ITGAE: variants seen among roughly 807,000 people sequenced by gnomAD.
The protein encoded by ITGAE is integrin subunit alpha E.
ITGAE carries 99 observed loss-of-function variants against 136.5 expected under a neutral mutation model. The ratio of observed to expected loss-of-function variants is 0.73; its 90% CI spans 0.62 to 0.86. The LOEUF is 0.86. Ranked by LOEUF, ITGAE falls within the 40% of genes least tolerant of loss-of-function variation. ITGAE has a pLI of 0.00. For missense variants in ITGAE, 1,447 were observed against 1,515.3 expected (o/e 0.95, Z 0.75); for synonymous variants, 613 against 591.8 (o/e 1.04, Z -0.52).
At chr17:3,748,536 G>A (rs1464010971) in intron 16 of ITGAE, among the ~76,000 whole-genome samples, 3 of 152,116 alleles carry the variant, frequency 2.0e-5, no homozygotes, top group South Asian at 2.1e-4. Context: ...GCAGTGAGCC[G>A]ACATCCTGCC....
intron 19 of ITGAE, among the ~76,000 whole-genome samples, chr17:3,741,766 G>A (rs777612591): frequency 8.5e-5 from 13 of 152,164 alleles, no homozygotes; most frequent in Non-Finnish European, 8.8e-5. Context: ...CTTTACTTCT[G>A]TGATATTCCT....
At chr17:3,752,449 C>A (rs1327941319) in intron 14 of ITGAE, among the ~76,000 whole-genome samples, 1 of 152,206 alleles carries the variant, frequency 6.6e-6, no homozygotes, top group Non-Finnish European at 1.5e-5. Flanking sequence ...GCTTTGCCAA[C>A]CATGCAGCTG....
Position 3,781,080 on chromosome 17 carries a change from T to C in ITGAE, c.35-3420A>G, listed in dbSNP as rs189314269. On this transcript the variant is annotated intron_variant, in intron 1 of 30. Transcript: ENST00000263087. ...GTTTACTGCCTACTCATGTACATTA[T>C]TCATTTTCATGAAACGATATTACTT... Among the ~76,000 whole-genome samples, 83 of 152,352 alleles carry C rather than the reference T, an allele frequency of 5.4e-4. 1 individual carries two copies. The South Asian group carries it at 0.014, about 27-fold the overall frequency.
rs1335085563 is a variant in ITGAE at position 3,761,391 on chromosome 17, T to C, written c.433+12A>G. On this transcript the variant is annotated intron_variant, in intron 5 of 30. Coordinates refer to ENST00000263087, the MANE Select transcript of ITGAE (RefSeq NM_002208.5). The stretch of plus-strand genomic sequence containing the variant: ...TAGAGCTATCCAAGGCCAGTGAATG[T>C]CCAATCCTTACCAAGGTCGAAGAAG... 1.2e-6 allele frequency: 2 copies of C among 1,606,504 alleles called. No homozygotes were observed. Among genetic ancestry groups the C allele is most frequent in the African/African-American group, 2.7e-5 (2 of 74,766 alleles).
chr17:3,754,915 CA>C (rs2051967332), intron 12 of ITGAE, among the ~76,000 whole-genome samples: 1 of 147,568 alleles, frequency 6.8e-6, no homozygotes, highest in Non-Finnish European at 1.5e-5. Flanking sequence ...GCCCCGCCCT[CA>C]CCCAGGTAGC....
At chr17:3,763,194 CAGACA>C (rs1389742797) in intron 3 of ITGAE, among the ~76,000 whole-genome samples, 1 of 152,156 alleles carries the variant, frequency 6.6e-6, no homozygotes, top group East Asian at 1.9e-4. Context: ...CGCCCAGCCT[CAGACA>C]AGACAAGGAT....
chr17:3,756,532 G>C (rs865848809), intron 10 of ITGAE, among the ~76,000 whole-genome samples: 1 of 150,752 alleles, frequency 6.6e-6, no homozygotes, highest in Non-Finnish European at 1.5e-5. Flanking sequence ...CTCCTGAGTA[G>C]CTGGGATCAC....
rs1418772725 is a variant in ITGAE at position 3,801,150 on chromosome 17, C to T, written c.-6G>A. On this transcript the variant is annotated 5_prime_UTR_variant, in exon 1 of 31. Transcript: ENST00000263087. The stretch of plus-strand genomic sequence containing the variant: ...AGAGTGTGGAAGAGCCACATCCTTG[C>T]TGGAGCAGAGGCGGCTGTGTGGGAG... 9 of 1,611,044 alleles carry T rather than the reference C, an allele frequency of 5.6e-6. No homozygotes were observed. The African/African-American group carries it at 1.2e-4, about 21-fold the overall frequency.
Position 3,750,454 on chromosome 17 carries a change from C to G in ITGAE, c.1922G>C (p.Gly641Ala). Residue 641 changes from glycine to alanine, a missense_variant, in exon 16 of 31, where the codon GGA becomes GCA. By Grantham distance (60) the Gly-to-Ala change is moderately conservative. This residue lies in a region of ITGAE where 1,031 missense variants were observed against 1,011.4 expected (regional missense o/e 1.02). Transcript: ENST00000263087. ...CATGGACATGCCGAAGTACTGGAGT[C>G]CTGGGGCCACCGTGGAGGCTCTGAT... ...QRIRASTVAP[G>A]LQYFGMSMAG... The G allele has an allele frequency of 1.2e-6, 2 of 1,614,176 alleles. No homozygotes were observed. Among genetic ancestry groups the G allele is most frequent in the South Asian group, 1.1e-5 (1 of 91,086 alleles).
intron 30 of ITGAE, 119 bp from the exon 31 acceptor site, chr17:3,715,061 A>G: frequency 1.6e-6 from 1 of 626,364 alleles, no homozygotes; most frequent in Non-Finnish European, 2.8e-6. Context: ...CATACTTACT[A>G]CTCCCTTCTC....
chr17:3,758,298 T>C (rs2052078563), intron 8 of ITGAE, among the ~76,000 whole-genome samples: 1 of 152,128 alleles, frequency 6.6e-6, no homozygotes, highest in South Asian at 2.1e-4. Flanking sequence ...CAGGCTGGAG[T>C]GCAGTGGTGT....
At chr17:3,774,285 G>C (rs1020246373) in intron 2 of ITGAE, among the ~76,000 whole-genome samples, 2 of 152,166 alleles carry the variant, frequency 1.3e-5, no homozygotes, top group Non-Finnish European at 2.9e-5. Flanking sequence ...GGTGGGATGA[G>C]GAGGTAACCA....
chr17:3,728,378 T>TTC, intron 24 of ITGAE: 1 of 412,520 alleles, frequency 2.4e-6, no homozygotes, highest in East Asian at 4.8e-5. Flanking sequence ...CTTTTTTTTT[T>TTC]TTTTTTTTTT....
intron 20 of ITGAE, among the ~76,000 whole-genome samples, chr17:3,737,164 G>A (rs1172412812): frequency 6.6e-6 from 1 of 152,104 alleles, no homozygotes; most frequent in Non-Finnish European, 1.5e-5. Context: ...GTGGTCACGT[G>A]CGCCTGTGAT....
In ITGAE at chr17:3,723,718, C is replaced by T. The variant is rs770170884; in HGVS notation, c.3111G>A (p.Gln1037=). 1 of 1,605,680 alleles carries T rather than the reference C, an allele frequency of 6.2e-7. No homozygotes were observed. Among genetic ancestry groups the T allele is most frequent in the Non-Finnish European group, 8.5e-7 (1 of 1,176,080 alleles). The part of the protein sequence containing the change: ...TQASTVCTWS[Q]ERACAYSSVQ... ...CCGAACTGTACGCACAAGCGCGCTC[C>T]TGACTCCAGGTGCACACCGTGGAGG... is the stretch of plus-strand genomic sequence containing the variant. The change falls in exon 27 of 31, where the codon CAG becomes CAA. Residue 1037 remains glutamine (Q), a synonymous_variant. Coordinates refer to ENST00000263087, the MANE Select transcript of ITGAE (RefSeq NM_002208.5).
In ITGAE at chr17:3,755,896, G is replaced by A; in HGVS notation, c.1173C>T (p.Gly391=). 1 of 1,593,546 alleles carries A rather than the reference G, an allele frequency of 6.3e-7. No individual in the cohort carries two copies. Among genetic ancestry groups the A allele is most frequent in the Non-Finnish European group, 8.5e-7 (1 of 1,170,020 alleles). The change falls in exon 11 of 31, where the codon GGC becomes GGT. Residue 391 remains glycine, a splice_region_variant and synonymous_variant. Coordinates refer to ENST00000263087, the MANE Select transcript of ITGAE (RefSeq NM_002208.5). The stretch of plus-strand genomic sequence containing the variant: ...GGTAGTGAAGGGCGTCTCCAACCGT[G>A]CCTGCAAGCCAAGAAGCCCAGTGAG... ...KLRYNIISME[G]TVGDALHYQL... is the part of the protein sequence containing the mutation.
At chr17:3,790,553 A>T (rs1036087965) in intron 1 of ITGAE, among the ~76,000 whole-genome samples, 1 of 151,948 alleles carries the variant, frequency 6.6e-6, no homozygotes, top group African/African-American at 2.4e-5. Context: ...AGGTGAAATA[A>T]CTGCAGGAAG....
At chr17:3,774,420 G>A (rs1037793786) in intron 2 of ITGAE, among the ~76,000 whole-genome samples, 16 of 151,990 alleles carry the variant, frequency 1.1e-4, no homozygotes, top group African/African-American at 3.1e-4. Flanking sequence ...ACAGCAATAC[G>A]TAATACATAA....
At chr17:3,745,328 G>A (rs980612638) in intron 18 of ITGAE, among the ~76,000 whole-genome samples, 1 of 152,052 alleles carries the variant, frequency 6.6e-6, no homozygotes, top group Non-Finnish European at 1.5e-5. Flanking sequence ...GTGCCATTAC[G>A]TGGTTCTTGA....
Sources: allele counts gnomAD v4.1 joint callset (sites outside exome capture counted in the v4.1 genomes callset), GRCh38; gene constraint gnomAD v4.1.1; regional missense constraint gnomAD v4.1.1; transcripts MANE v1.5; gene names NCBI Gene and HGNC (gene_info 2026-07-23, HGNC 2026-07-21).